Variants in TMEM255A observed in about 807,000 individuals in gnomAD.
TMEM255A encodes family with sequence similarity 70, member A.
In TMEM255A, 14 loss-of-function variants were observed where a neutral mutation model predicts 23.5. The observed-to-expected ratio is 0.60, with a 90% CI of 0.39 to 0.93. The LOEUF is 0.93. TMEM255A is among the 40% of genes least tolerant of loss of function. The pLI, the probability that TMEM255A is intolerant of heterozygous loss-of-function variation, is 0.00. For synonymous variants in TMEM255A, 104 were observed against 100.3 expected, an observed-to-expected ratio of 1.04 and a Z score of -0.22; for missense variants, 233 against 261.7, an observed-to-expected ratio of 0.89 and a Z score of 0.76.
intron 7 of TMEM255A, among the ~76,000 whole-genome samples, chrX:120,273,720 C>G (rs116616150): frequency 0.037 from 4,119 of 112,011 alleles, 205 homozygotes; most frequent in African/African-American, 0.13. Context: ...CAACAAGATA[C>G]CACTTTGTGC....
chrX:120,273,157 A>G (rs2057774061), intron 7 of TMEM255A: 2 of 184,448 alleles, frequency 1.1e-5, no homozygotes, highest in Non-Finnish European at 2.1e-5. Flanking sequence ...TACAGGCTGC[A>G]GAAAATTTCA....
At chrX:120,284,119 A>G (rs957629110) in intron 6 of TMEM255A, among the ~76,000 whole-genome samples, 6 of 111,332 alleles carry the variant, frequency 5.4e-5, no homozygotes, top group Non-Finnish European at 9.4e-5. Context: ...TCTGACTTTC[A>G]TTCATTGGGC....
intron 2 of TMEM255A, among the ~76,000 whole-genome samples, chrX:120,300,449 G>A (rs1259296721): frequency 1.8e-5 from 2 of 109,926 alleles, no homozygotes; most frequent in East Asian, 2.8e-4. Flanking sequence ...GTGAAGTGGC[G>A]CGATCTCAGC....
intron 1 of TMEM255A, among the ~76,000 whole-genome samples, 191 bp from the exon 2 acceptor site, chrX:120,304,682 A>G (rs1490710323): frequency 1.8e-5 from 2 of 111,686 alleles, no homozygotes; most frequent in Non-Finnish European, 3.8e-5. Flanking sequence ...TGCCACTTTT[A>G]TAATAAAATA....
intron 6 of TMEM255A, among the ~76,000 whole-genome samples, chrX:120,278,001 G>A (rs1420252928): frequency 3.6e-5 from 4 of 112,001 alleles, no homozygotes; most frequent in Non-Finnish European, 7.5e-5. Context: ...GTTAAATGAG[G>A]CCACAAGGGT....
rs1240369282 is a variant in TMEM255A, at chrX:120,276,773, T to A, written c.675+112A>T. 8.6e-6 allele frequency: 7 copies of A among 811,065 alleles called. No homozygotes were observed. The East Asian group carries it at 2.4e-4, about 27-fold the overall frequency. 66.8% of individuals were successfully genotyped at this position (811,065 alleles called of 1,213,427 possible). Reference sequence around the variant, plus strand: ...AAGGCAGCTACATCCTTGAAGCAATTGCTTCTGATTCTTCCCTTCAAAATA... The same window carrying A: ...AAGGCAGCTACATCCTTGAAGCAATAGCTTCTGATTCTTCCCTTCAAAATA... On this transcript the variant is annotated intron_variant, in intron 7 of 8. Coordinates refer to ENST00000371369, the MANE Select transcript of TMEM255A (RefSeq NM_001104544.3).
intron 5 of TMEM255A, 133 bp downstream of exon 5, chrX:120,287,021 C>T (rs1556021939): frequency 5.3e-6 from 3 of 567,821 alleles, no homozygotes; most frequent in Non-Finnish European, 6.1e-6. Flanking sequence ...GTGCTCTGAC[C>T]CACTGAACAA....
chrX:120,272,975 C>T (rs911986133), intron 7 of TMEM255A, among the ~76,000 whole-genome samples: 2 of 110,857 alleles, frequency 1.8e-5, no homozygotes, highest in African/African-American at 6.6e-5. Flanking sequence ...CTCCTGACCT[C>T]GTGATCTGCC....
chrX:120,253,778 A>C (rs782022891), downstream of TMEM255A: 9 of 1,209,896 alleles, frequency 7.4e-6, no homozygotes, highest in Admixed American at 1.1e-4. Flanking sequence ...TCCCATTGTC[A>C]CAGGTTAAAA....
intron 2 of TMEM255A, among the ~76,000 whole-genome samples, chrX:120,303,449 TAA>T (rs2058045848): frequency 9.0e-6 from 1 of 111,295 alleles, no homozygotes; most frequent in African/African-American, 3.3e-5. Context: ...ACAAAATGGA[TAA>T]GAGGCTTGAA....
the TMEM255A span, chrX:120,253,614 G>A: frequency 8.3e-7 from 1 of 1,210,860 alleles, no homozygotes; most frequent in Non-Finnish European, 1.1e-6. Context: ...TGCTGGGCAA[G>A]TTGTTGAACT....
At chrX:120,300,673 G>A (rs781949966) in intron 2 of TMEM255A, among the ~76,000 whole-genome samples, 2 of 104,598 alleles carry the variant, frequency 1.9e-5, no homozygotes, top group East Asian at 6.0e-4. Context: ...GGGATTACAA[G>A]TGTGAGCCAC....
At chrX:120,258,132 A>G (rs1352531471), downstream of TMEM255A, 2 of 123,362 alleles carry the variant, frequency 1.6e-5, no homozygotes, top group East Asian at 5.5e-4. Flanking sequence ...CCCCCATTGT[A>G]CCAAAAAGAT....
rs1556016541 is a variant in TMEM255A at position 120,260,936 on chromosome X, A to C, written c.912T>G (p.Ser304Arg). ...AGGGTGGAGAGTAACGGGGCGGTGC[A>C]CTTGAGGACCACATGTAGCTGGGTG... The part of the protein sequence containing the change: ...SPSPSYMWSS[S>R]APPRYSPPYY... The change falls in exon 9 of 9, where the codon AGT becomes AGG. Residue 304 changes from serine (S) to arginine (R), a missense_variant. Ser to Arg is a moderately radical substitution (Grantham distance 110). Coordinates refer to ENST00000371369, the MANE Select transcript of TMEM255A (RefSeq NM_001104544.3). 1.7e-6 allele frequency: 2 copies of C among 1,199,633 alleles called. No homozygotes were observed. Among genetic ancestry groups the C allele is most frequent in the Non-Finnish European group, 2.2e-6 (2 of 891,609 alleles).
intron 1 of TMEM255A, among the ~76,000 whole-genome samples, chrX:120,307,615 T>C (rs1361372283): frequency 8.9e-6 from 1 of 112,223 alleles, no homozygotes; most frequent in Non-Finnish European, 1.9e-5. Flanking sequence ...GTGGGAGGAA[T>C]TGTGTGAATA....
rs902851907 is a variant in TMEM255A at position 120,311,432 on chromosome X, C to A, written c.-123G>T. 21 of 569,533 alleles carry A rather than the reference C, an allele frequency of 3.7e-5. No homozygotes were observed. Among genetic ancestry groups the A allele is most frequent in the Non-Finnish European group, 5.6e-5 (19 of 336,769 alleles). The allele number at this position is 569,533 out of a possible 1,213,427, so 46.9% of individuals were successfully genotyped here. ...CGGTCCTTCCGAGAGCTGAGAGACA[C>A]TGCCTCTGGTTGCGAGCTGCAGCCC... On this transcript the variant is annotated 5_prime_UTR_variant, in exon 1 of 9. Coordinates refer to ENST00000371369, the MANE Select transcript of TMEM255A (RefSeq NM_001104544.3).
intron 5 of TMEM255A, chrX:120,285,559 G>A: frequency 2.5e-6 from 3 of 1,193,638 alleles, no homozygotes; most frequent in Non-Finnish European, 3.4e-6. Flanking sequence ...GGGTACAGGA[G>A]GAAAGAAGAT....
chrX:120,272,740 ATTTTTTT>A (rs781928518), intron 7 of TMEM255A, among the ~76,000 whole-genome samples: 1 of 81,016 alleles, frequency 1.2e-5, no homozygotes, highest in African/African-American at 4.9e-5. Flanking sequence ...GTCTTGGGCT[ATTTTTTT>A]TTTTTTTTTT....
chrX:120,292,560 A>G (rs192504505), intron 3 of TMEM255A, among the ~76,000 whole-genome samples: 17 of 110,919 alleles, frequency 1.5e-4, no homozygotes, highest in African/African-American at 5.3e-4. Context: ...GGAGCTCAAG[A>G]CCAGCCTGGC....
Sources: gnomAD v4.1 joint callset for allele counts (sites outside exome capture counted in the v4.1 genomes callset) on GRCh38, gnomAD v4.1.1 for gene constraint, MANE v1.5 for transcripts, NCBI Gene and HGNC (gene_info 2026-07-23, HGNC 2026-07-21) for gene names.